The following PTBP3 variants were observed in gnomAD, a reference collection of about 807,000 sequenced individuals.
PTBP3 encodes polypyrimidine tract-binding protein 3.
PTBP3 carries 20 observed loss-of-function variants against 58.7 expected under a neutral mutation model. The ratio of observed to expected loss-of-function variants is 0.34; its 90% CI spans 0.24 to 0.50. PTBP3 has a LOEUF of 0.50. PTBP3 is among the 20% of genes least tolerant of loss of function. PTBP3 has a pLI of 0.98. For missense variants in PTBP3, 509 were observed against 637.2 expected, an observed-to-expected ratio of 0.80 and a Z score of 2.17; for synonymous variants, 185 against 219.8, an observed-to-expected ratio of 0.84 and a Z score of 1.40.
At chr9:112,328,681 T>G (rs960821762) in intron 1 of PTBP3, among the ~76,000 whole-genome samples, 2 of 152,064 alleles carry the variant, frequency 1.3e-5, no homozygotes, top group Non-Finnish European at 2.9e-5. Context: ...TACTAGCTAC[T>G]TTGGAGGCTG....
At position 112,239,831 on chromosome 9, in the gene PTBP3, AAGGGAGGGAGGGAGGGAGGGAGGG is replaced by A. The variant is rs1176899352; in HGVS notation, c.803-4958_803-4935del. 4.9e-3 allele frequency among the ~76,000 whole-genome samples: 193 copies of A among 39,312 alleles called. 1 individual carries two copies. The highest frequency in any genetic ancestry group is 0.026 in the East Asian group (27 of 1,020). 25.8% of individuals were successfully genotyped at this position (39,312 alleles called of 152,430 possible). ...GAAGGAAGGAAGGGAGGAAGGGAGGAAGGGAGGGAGGGAGGGAGGGAGGGAGGGAGGGAGGGAGGGAGGGAGGGA... is the reference window on the plus strand; with the variant it reads ...GAAGGAAGGAAGGGAGGAAGGGAGGAAGGGAGGGAGGGAGGGAGGGAGGGA... On this transcript the variant is annotated intron_variant, in intron 7 of 13. Transcript: ENST00000374257.
At chr9:112,252,604 G>T in intron 6 of PTBP3, 74 bp downstream of exon 6, 2 of 1,128,312 alleles carry the variant, frequency 1.8e-6, no homozygotes, top group East Asian at 2.4e-5. Context: ...AAAAACACAT[G>T]GTAAAGTGGG....
At chr9:112,266,799 G>A (rs541121843) in intron 4 of PTBP3, among the ~76,000 whole-genome samples, 4 of 152,182 alleles carry the variant, frequency 2.6e-5, no homozygotes, top group African/African-American at 9.6e-5. Context: ...GTTATCTCTG[G>A]GTAACTGGAT....
chr9:112,282,225 TGACTGTA>T (rs1405468652), intron 2 of PTBP3, among the ~76,000 whole-genome samples: 2 of 152,242 alleles, frequency 1.3e-5, no homozygotes, highest in African/African-American at 4.8e-5. Flanking sequence ...ACCCTTTTAA[TGACTGTA>T]GAATCATTCT....
At chr9:112,280,430 G>GA (rs1490588366) in intron 2 of PTBP3, among the ~76,000 whole-genome samples, 1 of 152,064 alleles carries the variant, frequency 6.6e-6, no homozygotes, top group Non-Finnish European at 1.5e-5. Context: ...ATGTTGAATA[G>GA]AATCAATAAG....
At chr9:112,313,400 T>C (rs1440340701) in intron 1 of PTBP3, among the ~76,000 whole-genome samples, 3 of 152,210 alleles carry the variant, frequency 2.0e-5, no homozygotes, top group Non-Finnish European at 4.4e-5. Context: ...ATTTCTTCAA[T>C]ATTTATTCAC....
At chr9:112,232,728 C>T (rs1308411737) in intron 8 of PTBP3, among the ~76,000 whole-genome samples, 3 of 152,078 alleles carry the variant, frequency 2.0e-5, no homozygotes, top group Non-Finnish European at 4.4e-5. Flanking sequence ...GTATAAAATG[C>T]TATATTAAAT....
chr9:112,263,522 A>T (rs1836682687), intron 4 of PTBP3, among the ~76,000 whole-genome samples: 1 of 152,342 alleles, frequency 6.6e-6, no homozygotes, highest in East Asian at 1.9e-4. Flanking sequence ...TCACAAGGAA[A>T]CATCAGACAA....
At chr9:112,254,417 C>T (rs10981333) in intron 5 of PTBP3, among the ~76,000 whole-genome samples, 40,139 of 152,042 alleles carry the variant, frequency 0.26, 6,587 homozygotes, top group South Asian at 0.4. Flanking sequence ...AACTGGACTA[C>T]CTCAAAATTA....
At chr9:112,338,135 T>G (rs988457585), upstream of PTBP3, among the ~76,000 whole-genome samples, 2 of 152,196 alleles carry the variant, frequency 1.3e-5, no homozygotes, top group African/African-American at 4.8e-5. Context: ...GAGAACAGAT[T>G]AGTGGTTACC....
chr9:112,257,832 C>G (rs1836434839), intron 5 of PTBP3, among the ~76,000 whole-genome samples: 1 of 151,334 alleles, frequency 6.6e-6, no homozygotes, highest in African/African-American at 2.4e-5. Context: ...CCCAGCTACT[C>G]AGAAGGCTGA....
chr9:112,231,959 G>GAA lies in PTBP3; in HGVS notation c.1020+138_1020+139dup, dbSNP rs1156332341. 5 of 364,598 alleles carry GAA rather than the reference G, an allele frequency of 1.4e-5. No individual in the cohort carries two copies. In the East Asian group the frequency reaches 2.2e-4, roughly 16 times the overall value. 22.6% of individuals were successfully genotyped at this position (364,598 alleles called of 1,614,324 possible). A position where few individuals can be genotyped will look rare whatever the true frequency, so the allele number is the denominator to read the frequency against. On this transcript the variant is annotated intron_variant, in intron 9 of 13. Coordinates refer to ENST00000374257, the MANE Select transcript of PTBP3 (RefSeq NM_001163788.4). Reference sequence around the variant, plus strand: ...GAAGAGAAGAGAAGAGAAGAGAAGAGAAGAGAAGAGAGAAGAGAAGAGAAG... The same window carrying GAA: ...GAAGAGAAGAGAAGAGAAGAGAAGAGAAAAGAGAAGAGAGAAGAGAAGAGAAG...
At chr9:112,308,318 C>T (rs1204030078) in intron 1 of PTBP3, among the ~76,000 whole-genome samples, 1 of 147,932 alleles carries the variant, frequency 6.8e-6, no homozygotes, top group Non-Finnish European at 1.5e-5. Flanking sequence ...TGAGCCACTG[C>T]ACCTGGCCAA....
chr9:112,339,829 G>C, the PTBP3 span, among the ~76,000 whole-genome samples: 1 of 151,980 alleles, frequency 6.6e-6, no homozygotes, highest in African/African-American at 2.4e-5. Context: ...GCCTCCCAAA[G>C]TGCTGGGATT....
rs1216991265 is a variant in PTBP3 at position 112,290,697 on chromosome 9, T to C, written c.34+7135A>G. Among the ~76,000 whole-genome samples the C allele has an allele frequency of 6.7e-3, 413 of 61,984 alleles. 3 individuals carry two copies. The highest frequency in any genetic ancestry group is 0.021 in the African/African-American group (301 of 14,468). The allele number at this position is 61,984 out of a possible 152,430, so 40.7% of individuals were successfully genotyped here. ...TAAAAAAAAAAAAAAAATATATATATATATATATATACACACACACACACA... is the reference window on the plus strand; with the variant it reads ...TAAAAAAAAAAAAAAAATATATATACATATATATATACACACACACACACA... On this transcript the variant is annotated intron_variant, in intron 2 of 13. Coordinates refer to ENST00000374257, the MANE Select transcript of PTBP3 (RefSeq NM_001163788.4).
intron 1 of PTBP3, among the ~76,000 whole-genome samples, chr9:112,312,469 A>G (rs1587875221): frequency 7.1e-6 from 1 of 140,792 alleles, no homozygotes; most frequent in African/African-American, 2.6e-5. Flanking sequence ...TGAATGAACG[A>G]GACCTTGTTT....
At chr9:112,292,211 A>C (rs1828465103) in intron 2 of PTBP3, among the ~76,000 whole-genome samples, 1 of 152,232 alleles carries the variant, frequency 6.6e-6, no homozygotes, top group South Asian at 2.1e-4. Context: ...GGGAAATACA[A>C]ATCAAAACCA....
At chr9:112,358,050 G>A in the PTBP3 span, among the ~76,000 whole-genome samples, 1 of 152,100 alleles carries the variant, frequency 6.6e-6, no homozygotes, top group South Asian at 2.1e-4. Flanking sequence ...GCTCATGCCT[G>A]TAATCCCAGC....
At chr9:112,240,743 A>AAT (rs1835624928) in intron 7 of PTBP3, among the ~76,000 whole-genome samples, 2 of 152,030 alleles carry the variant, frequency 1.3e-5, no homozygotes, top group African/African-American at 2.4e-5. Context: ...AGGAGATGAC[A>AAT]GCTTCATGCA....
Sources: allele counts gnomAD v4.1 joint callset (sites outside exome capture counted in the v4.1 genomes callset), GRCh38; gene constraint gnomAD v4.1.1; transcripts MANE v1.5; gene names NCBI Gene and HGNC (gene_info 2026-07-23, HGNC 2026-07-21).